The following PDE7A variants were observed in gnomAD, a reference collection of about 807,000 sequenced individuals.
PDE7A encodes the protein high affinity 3',5'-cyclic-AMP phosphodiesterase 7A.
In PDE7A, 39 loss-of-function variants were observed where a neutral mutation model predicts 64.3. That is an observed-to-expected ratio of 0.61 (90% CI 0.47 to 0.79). PDE7A has a LOEUF of 0.79. Among genes scored for constraint, PDE7A ranks in the 30% least tolerant of loss-of-function variants. The pLI, the probability that PDE7A is intolerant of heterozygous loss-of-function variation, is 0.00. For missense variants in PDE7A, 470 were observed against 582.8 expected (o/e 0.81, Z 1.99); for synonymous variants, 203 against 206.8 (o/e 0.98, Z 0.16).
At chr8:65,806,173 C>T (rs1001198982) in intron 1 of PDE7A, among the ~76,000 whole-genome samples, 2 of 151,914 alleles carry the variant, frequency 1.3e-5, no homozygotes, top group African/African-American at 2.4e-5. Context: ...AGTAGAAGTA[C>T]GAAATATTTA....
intron 3 of PDE7A, chr8:65,765,800 G>T (rs1377163830): frequency 6.6e-6 from 1 of 152,128 alleles, no homozygotes; most frequent in African/African-American, 2.4e-5. Context: ...CATCAGACTA[G>T]AAATTCTAAT....
intron 5 of PDE7A, among the ~76,000 whole-genome samples, chr8:65,740,286 T>C (rs548302678): frequency 6.6e-6 from 1 of 152,244 alleles, no homozygotes; most frequent in East Asian, 1.9e-4. Flanking sequence ...CGTTTTAAAA[T>C]GCCTATTTTC....
intron 1 of PDE7A, among the ~76,000 whole-genome samples, chr8:65,795,680 A>G (rs1371611880): frequency 6.6e-6 from 1 of 152,166 alleles, no homozygotes; most frequent in Non-Finnish European, 1.5e-5. Context: ...AACACTAACA[A>G]AACTTACAAT....
At chr8:65,840,893 C>T (rs1352225733) in intron 1 of PDE7A, among the ~76,000 whole-genome samples, 1 of 152,260 alleles carries the variant, frequency 6.6e-6, no homozygotes, top group African/African-American at 2.4e-5. Flanking sequence ...GCCTATTGTT[C>T]AGAGGGAACC....
intron 5 of PDE7A, among the ~76,000 whole-genome samples, chr8:65,743,325 G>A (rs1807524370): frequency 6.6e-6 from 1 of 152,182 alleles, no homozygotes; most frequent in African/African-American, 2.4e-5. Context: ...AAGGCTAACT[G>A]TGTAAATGAT....
chr8:65,833,788 A>T (rs1353728899), intron 1 of PDE7A, among the ~76,000 whole-genome samples: 1 of 151,966 alleles, frequency 6.6e-6, no homozygotes, highest in Non-Finnish European at 1.5e-5. Flanking sequence ...ACATGGCAAA[A>T]CCCCATCTCT....
rs539484079 is a variant in PDE7A, at chr8:65,810,794, T to C, written c.139-27951A>G. 2.1e-4 allele frequency among the ~76,000 whole-genome samples: 32 copies of C among 152,244 alleles called. 1 individual carries two copies. Among genetic ancestry groups the C allele is most frequent in the African/African-American group, 7.5e-4 (31 of 41,560 alleles). On this transcript the variant is annotated intron_variant, in intron 1 of 12. Coordinates refer to ENST00000401827, the MANE Select transcript of PDE7A (RefSeq NM_001242318.3). ...TTAAGAAACAATCATTCCCAATAAA[T>C]ATTTCCTAATAAAGTAAGAAAAAGG...
intron 1 of PDE7A, among the ~76,000 whole-genome samples, chr8:65,803,199 C>A (rs574573811): frequency 3.4e-4 from 52 of 152,314 alleles, no homozygotes; most frequent in African/African-American, 1.2e-3. Context: ...TATATTCAGG[C>A]ATATCGATGA....
intron 1 of PDE7A, among the ~76,000 whole-genome samples, chr8:65,788,211 A>G (rs1187194644): frequency 6.6e-6 from 1 of 152,152 alleles, no homozygotes; most frequent in East Asian, 1.9e-4. Context: ...ATTTTTATAG[A>G]AGAATAGAAA....
intron 1 of PDE7A, among the ~76,000 whole-genome samples, chr8:65,820,646 G>C (rs1332774780): frequency 6.6e-6 from 1 of 152,182 alleles, no homozygotes; most frequent in Non-Finnish European, 1.5e-5. Flanking sequence ...CTGGAGTGCA[G>C]TGGCGCAATC....
intron 1 of PDE7A, among the ~76,000 whole-genome samples, chr8:65,824,447 G>C (rs939406322): frequency 2.0e-5 from 3 of 152,188 alleles, no homozygotes; most frequent in Non-Finnish European, 4.4e-5. Flanking sequence ...AGCAGGGTTT[G>C]AGAGGACTGA....
intron 9 of PDE7A, 55 bp downstream of exon 9, chr8:65,726,820 G>T: frequency 1.1e-6 from 1 of 893,296 alleles, no homozygotes; most frequent in Non-Finnish European, 1.8e-6. Context: ...AAATTACTTT[G>T]CCAACTTAAC....
intron 1 of PDE7A, among the ~76,000 whole-genome samples, chr8:65,784,160 G>T (rs1294994143): frequency 6.6e-6 from 1 of 152,100 alleles, no homozygotes; most frequent in East Asian, 1.9e-4. Flanking sequence ...AGTGAGCTAG[G>T]ATGGCACCAC....
intron 3 of PDE7A, among the ~76,000 whole-genome samples, chr8:65,750,494 G>C (rs1444139057): frequency 3.5e-5 from 5 of 144,876 alleles, no homozygotes; most frequent in African/African-American, 1.4e-4. Context: ...GTGTGTGTGT[G>C]TGTGTGTGTC....
intron 7 of PDE7A, among the ~76,000 whole-genome samples, chr8:65,732,006 T>C (rs1806912696): frequency 6.6e-6 from 1 of 151,940 alleles, no homozygotes; most frequent in African/African-American, 2.4e-5. Context: ...TTGTTGTTGT[T>C]GTTGTTATTT....
At chr8:65,793,795 C>T (rs73693420) in intron 1 of PDE7A, among the ~76,000 whole-genome samples, 18,098 of 152,144 alleles carry the variant, frequency 0.12, 1,384 homozygotes, top group African/African-American at 0.21. Flanking sequence ...AAGAAGAAGT[C>T]TACCTTTATT....
rs1045834748 is a variant in PDE7A, at chr8:65,714,968, C to T, written c.*4322G>A. Among the ~76,000 whole-genome samples the T allele has an allele frequency of 2.6e-5, 4 of 152,080 alleles. No homozygotes were observed. The highest frequency in any genetic ancestry group is 5.9e-5 in the Non-Finnish European group (4 of 68,028). ...AGTGAGTACAAATATTGACCAGGAA[C>T]CAATTTTTCTTTTTTAAAGTTAGGA... On this transcript the variant is annotated 3_prime_UTR_variant, in exon 13 of 13. Transcript: ENST00000401827.
intron 1 of PDE7A, among the ~76,000 whole-genome samples, chr8:65,819,500 A>C (rs1479774881): frequency 6.6e-6 from 1 of 152,210 alleles, no homozygotes; most frequent in Non-Finnish European, 1.5e-5. Flanking sequence ...AAGAAATAAC[A>C]CCAAAATATG....
At chr8:65,801,622 A>C (rs889195875) in intron 1 of PDE7A, among the ~76,000 whole-genome samples, 2 of 152,198 alleles carry the variant, frequency 1.3e-5, no homozygotes, top group Non-Finnish European at 2.9e-5. Context: ...AACAGCTTGA[A>C]TCAAAAATAA....
Sources: allele counts gnomAD v4.1 joint callset (sites outside exome capture counted in the v4.1 genomes callset), GRCh38; gene constraint gnomAD v4.1.1; transcripts MANE v1.5; gene names NCBI Gene and HGNC (gene_info 2026-07-23, HGNC 2026-07-21).